LIN28B: variants seen among roughly 807,000 people sequenced by gnomAD.
LIN28B encodes the protein protein lin-28 homolog B.
LIN28B carries 5 observed loss-of-function variants against 21.9 expected under a neutral mutation model. The observed-to-expected ratio is 0.23, with a 90% confidence interval of 0.12 to 0.48. The LOEUF is 0.48. LIN28B is among the 20% of genes least tolerant of loss of function. LIN28B has a pLI of 0.98. For missense variants in LIN28B, 245 were observed against 310.5 expected (o/e 0.79, Z 1.58); for synonymous variants, 109 against 111.3 (o/e 0.98, Z 0.13).
At chr6:104,963,814 C>G (rs913384841) in intron 2 of LIN28B, among the ~76,000 whole-genome samples, 2 of 152,170 alleles carry the variant, frequency 1.3e-5, no homozygotes, top group African/African-American at 4.8e-5. Flanking sequence ...TTCAATTCCT[C>G]TTTTATTTTA....
intron 2 of LIN28B, among the ~76,000 whole-genome samples, chr6:104,986,356 T>A (rs1406336430): frequency 8.5e-6 from 1 of 117,618 alleles, no homozygotes; most frequent in Non-Finnish European, 2.0e-5. Context: ...GGTCTGCTAA[T>A]TCATTGGCCT....
intron 3 of LIN28B, among the ~76,000 whole-genome samples, chr6:105,057,261 A>G (rs1772038947): frequency 6.6e-6 from 1 of 152,138 alleles, no homozygotes; most frequent in Admixed American, 6.6e-5. Flanking sequence ...CACCTATTAA[A>G]GGATCTGGTC....
At chr6:104,957,387 C>G in intron 1 of LIN28B, 127 bp downstream of exon 1, 1 of 610,980 alleles carries the variant, frequency 1.6e-6, no homozygotes, top group Middle Eastern at 4.1e-4. Context: ...CATTACCTCC[C>G]AACCCCCCAT....
intron 2 of LIN28B, among the ~76,000 whole-genome samples, chr6:104,999,041 G>A (rs182843531): frequency 5.3e-5 from 8 of 152,184 alleles, no homozygotes; most frequent in Non-Finnish European, 8.8e-5. Flanking sequence ...CATCGTTATC[G>A]AAAATGGGCA....
intron 2 of LIN28B, among the ~76,000 whole-genome samples, chr6:104,966,358 C>G (rs1244000516): frequency 6.6e-6 from 1 of 151,988 alleles, no homozygotes; most frequent in Non-Finnish European, 1.5e-5. Flanking sequence ...TGAAATAATA[C>G]ACATGAAAAT....
intron 2 of LIN28B, among the ~76,000 whole-genome samples, chr6:105,023,227 AATATATAT>A (rs1771173183): frequency 4.2e-5 from 4 of 94,366 alleles, no homozygotes; most frequent in African/African-American, 1.8e-4. Flanking sequence ...ATATATATAT[AATATATAT>A]TATATTATAT....
chr6:105,078,374 C>T (rs1464431894), intron 3 of LIN28B, 40 bp from the exon 4 acceptor site: 1 of 1,548,490 alleles, frequency 6.5e-7, no homozygotes, highest in Non-Finnish European at 8.7e-7. Flanking sequence ...TGGATACATG[C>T]TGCCTACTTC....
chr6:105,011,379 C>T (rs1199228605), intron 2 of LIN28B, among the ~76,000 whole-genome samples: 1 of 152,042 alleles, frequency 6.6e-6, no homozygotes, highest in South Asian at 2.1e-4. Context: ...TTTGTAGGGA[C>T]GGGATTTCAC....
chr6:105,019,846 A>T (rs140832593), intron 2 of LIN28B, among the ~76,000 whole-genome samples: 1 of 152,184 alleles, frequency 6.6e-6, no homozygotes, highest in Non-Finnish European at 1.5e-5. Context: ...TTTAAAGAGT[A>T]ACGTGAAGCA....
chr6:105,069,956 C>A (rs1319388921), intron 3 of LIN28B, among the ~76,000 whole-genome samples: 2 of 152,000 alleles, frequency 1.3e-5, no homozygotes, highest in Admixed American at 1.3e-4. Context: ...CTTGCTTACT[C>A]CCTTATTTCC....
chr6:104,979,391 A>G (rs891702272), intron 2 of LIN28B, among the ~76,000 whole-genome samples: 2 of 151,952 alleles, frequency 1.3e-5, no homozygotes, highest in Non-Finnish European at 2.9e-5. Context: ...TATTTTTAGT[A>G]GAGACGGGGT....
intron 2 of LIN28B, among the ~76,000 whole-genome samples, chr6:105,020,181 G>A (rs1260995100): frequency 7.1e-6 from 1 of 141,412 alleles, no homozygotes; most frequent in Non-Finnish European, 1.5e-5. Context: ...TGGCGTAATC[G>A]TGGGTAGGTG....
intron 3 of LIN28B, among the ~76,000 whole-genome samples, chr6:105,055,984 C>T (rs1054724956): frequency 1.5e-5 from 2 of 131,316 alleles, no homozygotes; most frequent in Non-Finnish European, 3.1e-5. Flanking sequence ...CTGGACTGAA[C>T]TCCTGGGCTC....
intron 2 of LIN28B, chr6:104,939,211 C>T (rs914764289): frequency 3.9e-5 from 6 of 152,070 alleles, no homozygotes; most frequent in Non-Finnish European, 7.4e-5. Context: ...CATCTTTTTC[C>T]TCTAAATTAT....
In LIN28B at chr6:105,014,076, C is replaced by A. The variant is rs111989409; in HGVS notation, c.199-12222C>A. Among the ~76,000 whole-genome samples, 1,087 of 152,218 alleles carry A rather than the reference C, an allele frequency of 7.1e-3. 11 individuals are homozygous for A. Among genetic ancestry groups the A allele is most frequent in the African/African-American group, 0.024 (1,005 of 41,530 alleles). On this transcript the variant is annotated intron_variant, in intron 2 of 3. Transcript: ENST00000345080. Reference sequence around the variant, plus strand: ...TTTATGTTCCTATTATTTTCTTCTACCAACTTTGAGTTTCCTTTGCACTTT... The same window carrying A: ...TTTATGTTCCTATTATTTTCTTCTAACAACTTTGAGTTTCCTTTGCACTTT...
rs1149277 is a variant in LIN28B, at chr6:104,957,768, A to G, written c.11-331A>G. 2.0e-3 allele frequency among the ~76,000 whole-genome samples: 301 copies of G among 152,270 alleles called. 1 individual carries two copies. Among genetic ancestry groups the G allele is most frequent in the African/African-American group, 6.9e-3 (287 of 41,556 alleles). ...ATTTCTCTTTGTCAATGGGATCAGT[A>G]TTAAATCAGCAATATACAAGTAAAG... On this transcript the variant is annotated intron_variant, in intron 1 of 3. Transcript: ENST00000345080.
At chr6:104,992,811 G>A (rs1770519820) in intron 2 of LIN28B, among the ~76,000 whole-genome samples, 1 of 152,040 alleles carries the variant, frequency 6.6e-6, no homozygotes, top group Non-Finnish European at 1.5e-5. Flanking sequence ...TGTCTGGCCT[G>A]ATCAAGTATT....
rs1305805421 is a variant in LIN28B, at chr6:104,939,401, C to G, written c.18+2285C>G. 3.3e-5 allele frequency: 5 copies of G among 152,208 alleles called. No individual in the cohort carries two copies. The East Asian group carries it at 9.6e-4, about 29-fold the overall frequency. The allele number at this position is 152,208 out of a possible 1,614,324, so 9.4% of individuals were successfully genotyped here. ...CTCAATGGAAAGTTGAGCAGCCATCCAGGGAATTTGCTGAAGGTGGTAGCC... is the reference window on the plus strand; with the variant it reads ...CTCAATGGAAAGTTGAGCAGCCATCGAGGGAATTTGCTGAAGGTGGTAGCC... On this transcript the variant is annotated intron_variant, in intron 2 of 5. Transcript: ENST00000635857.
At chr6:105,019,802 T>C (rs894546979) in intron 2 of LIN28B, among the ~76,000 whole-genome samples, 2 of 152,224 alleles carry the variant, frequency 1.3e-5, no homozygotes, top group African/African-American at 4.8e-5. Flanking sequence ...TTATTGTGAA[T>C]CTTTCTTTTT....
Sources: allele counts gnomAD v4.1 joint callset (sites outside exome capture counted in the v4.1 genomes callset), GRCh38; gene constraint gnomAD v4.1.1; transcripts MANE v1.5; gene names NCBI Gene and HGNC (gene_info 2026-07-23, HGNC 2026-07-21).